REXO4: variants seen among roughly 807,000 people sequenced by gnomAD.
The protein encoded by REXO4 is REX4 homolog, 3'-5' exonuclease.
REXO4 carries 29 observed loss-of-function variants against 39.9 expected under a neutral mutation model. That is an observed-to-expected ratio of 0.73 (90% CI 0.54 to 0.99). REXO4 has a LOEUF of 0.99. Among genes scored for constraint, REXO4 ranks in the 50% least tolerant of loss-of-function variants. The probability of loss-of-function intolerance (pLI) is 0.00; values close to 1 mark genes in which losing one functional copy is unlikely to be tolerated. For synonymous variants in REXO4, 184 were observed against 206.2 expected (o/e 0.89, Z 0.92); for missense variants, 524 against 546.5 (o/e 0.96, Z 0.41).
At chr9:133,410,539 T>C (rs907451555) in intron 5 of REXO4, among the ~76,000 whole-genome samples, 8 of 152,240 alleles carry the variant, frequency 5.3e-5, no homozygotes, top group Non-Finnish European at 1.0e-4. Context: ...GGCGGGATTT[T>C]CCTCGGGACG....
chr9:133,415,046 A>G, intron 1 of REXO4, 35 bp from the exon 2 acceptor site: 1 of 1,538,852 alleles, frequency 6.5e-7, no homozygotes, highest in South Asian at 1.3e-5. Context: ...CTGCATTTGA[A>G]TTTGGAAATT....
chr9:133,416,864 G>A (rs587708100), intron 1 of REXO4, among the ~76,000 whole-genome samples: 4 of 152,346 alleles, frequency 2.6e-5, no homozygotes, highest in South Asian at 4.1e-4. Flanking sequence ...TAGAGCACAT[G>A]GCAGAGTGCA....
intron 1 of REXO4, among the ~76,000 whole-genome samples, chr9:133,417,308 C>T (rs1839694707): frequency 1.3e-5 from 2 of 152,238 alleles, no homozygotes; most frequent in Non-Finnish European, 2.9e-5. Context: ...TGAGGCCCCG[C>T]GCCCGGCCTG....
rs1238071891 is a variant in REXO4, at chr9:133,410,860, T to C, written c.999+125A>G. 28 of 706,232 alleles carry C rather than the reference T, an allele frequency of 4.0e-5. No individual in the cohort carries two copies. In the East Asian group the frequency reaches 7.5e-4, roughly 19 times the overall value. The allele number at this position is 706,232 out of a possible 1,614,324, so 43.7% of individuals were successfully genotyped here. A position where few individuals can be genotyped will look rare whatever the true frequency, so the allele number is the denominator to read the frequency against. On this transcript the variant is annotated intron_variant, in intron 5 of 7. Transcript: ENST00000371942. ...CTCAGCACGCGGTATCTGATATTAT[T>C]ACCAAAGTATTCCCAACATAGAGCA...
chr9:133,407,163 C>G, intron 7 of REXO4, 91 bp from the exon 8 acceptor site: 1 of 1,581,090 alleles, frequency 6.3e-7, no homozygotes, highest in Non-Finnish European at 8.6e-7. Flanking sequence ...ACTAGCCACT[C>G]TGCTACAGAT....
At chr9:133,413,943 G>A (rs953022987) in intron 2 of REXO4, among the ~76,000 whole-genome samples, 1 of 152,204 alleles carries the variant, frequency 6.6e-6, no homozygotes, top group South Asian at 2.1e-4. Flanking sequence ...AGCCATCAGC[G>A]ACTGTGTCCT....
chr9:133,409,953 G>GGCA (rs1489337666), intron 5 of REXO4, among the ~76,000 whole-genome samples: 1 of 152,148 alleles, frequency 6.6e-6, no homozygotes, highest in Non-Finnish European at 1.5e-5. Context: ...GAGTCCCCAC[G>GGCA]GCAGCAGTCT....
chr9:133,409,813 T>C (rs1839116857), intron 5 of REXO4, among the ~76,000 whole-genome samples: 1 of 152,182 alleles, frequency 6.6e-6, no homozygotes, highest in African/African-American at 2.4e-5. Context: ...TCCTCCAGCC[T>C]CAGCCTCCCA....
intron 1 of REXO4, among the ~76,000 whole-genome samples, chr9:133,416,553 G>A (rs1839616843): frequency 6.6e-6 from 1 of 152,130 alleles, no homozygotes; most frequent in African/African-American, 2.4e-5. Flanking sequence ...AGTGAGCTAT[G>A]ATCCTAACAG....
chr9:133,417,502 A>G lies in REXO4; in HGVS notation c.225+118T>C. ...ACCTTTCTTGTGAAAAGCTGTTTAC[A>G]AGATTTCGATTCAAATCTGCCTTTA... On this transcript the variant is annotated intron_variant, in intron 1 of 7. Coordinates refer to ENST00000371942, the MANE Select transcript of REXO4 (RefSeq NM_020385.4). 3 of 1,070,412 alleles carry G rather than the reference A, an allele frequency of 2.8e-6. No individual in the cohort carries two copies. The South Asian group carries it at 4.2e-5, about 15-fold the overall frequency. The allele number at this position is 1,070,412 out of a possible 1,614,324, so 66.3% of individuals were successfully genotyped here. A position where few individuals can be genotyped will look rare whatever the true frequency, so the allele number is the denominator to read the frequency against.
chr9:133,412,832 C>T lies in REXO4; in HGVS notation c.662G>A (p.Gly221Asp). The change falls in exon 3 of 8, where the codon GGT becomes GAT. Residue 221 changes from glycine to aspartate, a missense_variant. Transcript: ENST00000371942. Reference protein sequence around the residue: ...EAAKIARKQLGQSEGSVSLSL... With the variant: ...EAAKIARKQLDQSEGSVSLSL... ...GAGGCTGACGCTGCCCTCGCTCTGACCCAACTGTTTCCTCGCTATCTTGGC... is the reference window on the plus strand; with the variant it reads ...GAGGCTGACGCTGCCCTCGCTCTGATCCAACTGTTTCCTCGCTATCTTGGC... 4 of 1,614,094 alleles carry T rather than the reference C, an allele frequency of 2.5e-6. No homozygotes were observed. Among genetic ancestry groups the T allele is most frequent in the Non-Finnish European group, 3.4e-6 (4 of 1,180,046 alleles).
Position 133,408,809 on chromosome 9 carries a change from G to A in REXO4, c.1033C>T (p.Arg345Trp), listed in dbSNP as rs186019248. ...AAAGGTTTATATTTCTGTGTGTCCCGAATCTTCTTTTTTGGATGATCAAGA... is the reference window on the plus strand; with the variant it reads ...AAAGGTTTATATTTCTGTGTGTCCCAAATCTTCTTTTTTGGATGATCAAGA... ...LFLDHPKKKI[R>W]DTQKYKPFKS... The change falls in exon 6 of 8, where the codon CGG (arginine) becomes TGG (tryptophan). Residue 345 changes from arginine (R) to tryptophan (W), a missense_variant. Arg to Trp is a moderately radical substitution (Grantham distance 101, BLOSUM62 -3). Coordinates refer to ENST00000371942, the MANE Select transcript of REXO4 (RefSeq NM_020385.4). 407 of 1,595,866 alleles carry A rather than the reference G, an allele frequency of 2.6e-4. 1 individual carries two copies. Among genetic ancestry groups the A allele is most frequent in the African/African-American group, 1.5e-4 (11 of 74,412 alleles).
rs376481739 is a variant in REXO4 at position 133,406,105 on chromosome 9, G to A, written c.*848C>T. 130 of 152,326 alleles carry A rather than the reference G, an allele frequency of 8.5e-4. No homozygotes were observed. Among genetic ancestry groups the A allele is most frequent in the Middle Eastern group, 3.4e-3 (1 of 294 alleles). The allele number at this position is 152,326 out of a possible 1,614,324, so 9.4% of individuals were successfully genotyped here. A position where few individuals can be genotyped will look rare whatever the true frequency, so the allele number is the denominator to read the frequency against. ...ATTTATTTTAAATCGCATCCTCGGT[G>A]TGTCTGCCCCTTTTCTGTCCAGCTG... On this transcript the variant is annotated 3_prime_UTR_variant, in exon 8 of 8. Transcript: ENST00000371942.
intron 2 of REXO4, among the ~76,000 whole-genome samples, chr9:133,414,041 C>A (rs1839396236): frequency 6.6e-6 from 1 of 152,242 alleles, no homozygotes; most frequent in Admixed American, 6.5e-5. Context: ...GACTCCCGGT[C>A]CACCCCACGT....
At position 133,407,174 on chromosome 9, in the gene REXO4, G is replaced by A. The variant is rs1588127289; in HGVS notation, c.1150-102C>T. 16 of 1,547,596 alleles carry A rather than the reference G, an allele frequency of 1.0e-5. No individual in the cohort carries two copies. The East Asian group carries it at 2.0e-4, about 20-fold the overall frequency. ...TCCCACTAGCCACTCTGCTACAGAT[G>A]TACTGAGTGAGACATGGACCTGGCC... is the stretch of plus-strand genomic sequence containing the variant. On this transcript the variant is annotated intron_variant, in intron 7 of 7. Coordinates refer to ENST00000371942, the MANE Select transcript of REXO4 (RefSeq NM_020385.4).
chr9:133,407,870 C>G lies in REXO4; in HGVS notation c.1086G>C (p.Pro362=). 1 of 1,613,620 alleles carries G rather than the reference C, an allele frequency of 6.2e-7. No individual in the cohort carries two copies. The highest frequency in any genetic ancestry group is 1.1e-5 in the South Asian group (1 of 91,044). The part of the protein sequence containing the change: ...PFKSQVKSGR[P]SLRLLSEKIL... ...TCTTCTCTGAAAGTAGTCTCAGAGA[C>G]GGCCTTCCACTCTGCAAAGGGGGAA... The change falls in exon 7 of 8, where the codon CCG becomes CCC. Residue 362 remains proline, a synonymous_variant. Transcript: ENST00000371942.
rs1023452279 is a variant in REXO4 at position 133,417,986 on chromosome 9, A to G, written c.-142T>C. ...GACCCCGTCCAGGAAAAGACTCCGGAAGAGACCCCGCACGCGTTGCGCATA... is the reference window on the plus strand; with the variant it reads ...GACCCCGTCCAGGAAAAGACTCCGGGAGAGACCCCGCACGCGTTGCGCATA... On this transcript the variant is annotated 5_prime_UTR_variant, in exon 1 of 8. Transcript: ENST00000371942. 9 of 737,358 alleles carry G rather than the reference A, an allele frequency of 1.2e-5. No individual in the cohort carries two copies. Among genetic ancestry groups the G allele is most frequent in the Non-Finnish European group, 1.9e-5 (9 of 462,008 alleles). 45.7% of individuals were successfully genotyped at this position (737,358 alleles called of 1,614,324 possible).
At chr9:133,407,487 G>A (rs967172458) in intron 7 of REXO4, among the ~76,000 whole-genome samples, 1 of 152,178 alleles carries the variant, frequency 6.6e-6, no homozygotes, top group African/African-American at 2.4e-5. Flanking sequence ...AGAGCCAGCT[G>A]CTCAGCAGGG....
chr9:133,416,972 T>C (rs782443280), intron 1 of REXO4, among the ~76,000 whole-genome samples: 3 of 152,196 alleles, frequency 2.0e-5, no homozygotes, highest in Non-Finnish European at 4.4e-5. Context: ...TACACAGGAA[T>C]CTTCTTTCTC....
Sources: gnomAD v4.1 joint callset for allele counts (sites outside exome capture counted in the v4.1 genomes callset) on GRCh38, gnomAD v4.1.1 for gene constraint, MANE v1.5 for transcripts, NCBI Gene and HGNC (gene_info 2026-07-23, HGNC 2026-07-21) for gene names.